Variants in BCL10 observed in about 807,000 individuals in gnomAD.
BCL10 encodes B-cell lymphoma/leukemia 10.
Under a neutral mutation model 19.2 loss-of-function variants are expected in BCL10, and 5 were observed. The ratio of observed to expected loss-of-function variants is 0.26; its 90% CI spans 0.14 to 0.55. The LOEUF (loss-of-function observed/expected upper bound fraction) is 0.55, where lower values mean the gene tolerates loss of function less well. BCL10 is among the 20% of genes least tolerant of loss of function. The pLI, the probability that BCL10 is intolerant of heterozygous loss-of-function variation, is 0.94. For synonymous variants in BCL10, 110 were observed against 98.8 expected (o/e 1.11, Z -0.67); for missense variants, 201 against 271.9 (o/e 0.74, Z 1.83).
Position 85,267,666 on chromosome 1 carries a change from C to T in BCL10, c.663G>A (p.Met221Ile), listed in dbSNP as rs754361373. 1.9e-6 allele frequency: 3 copies of T among 1,610,564 alleles called. No homozygotes were observed. Among genetic ancestry groups the T allele is most frequent in the Non-Finnish European group, 2.5e-6 (3 of 1,178,998 alleles). ...CAGTACGTGATCTTAAGGGAAGAAA[C>T]ATCTCACTAGAGTTTGCACAAGTTC... ...EEGTCANSSE[M>I]FLPLRSRTVS... is the part of the protein sequence containing the mutation. Residue 221 changes from methionine to isoleucine, a missense_variant, in exon 3 of 3, where the codon ATG becomes ATA. By Grantham distance (10) the Met-to-Ile change is conservative. Around this residue, in one of 3 missense-constraint regions of BCL10, gnomAD observed 126 missense variants for 136.6 expected, o/e 0.92. Transcript: ENST00000648566.
Position 85,266,659 on chromosome 1 carries a change from TC to T in BCL10, c.*967del. 1 of 178,858 alleles carries T rather than the reference TC, an allele frequency of 5.6e-6. No individual in the cohort carries two copies. The allele number at this position is 178,858 out of a possible 1,614,324, so 11.1% of individuals were successfully genotyped here. A position where few individuals can be genotyped will look rare whatever the true frequency, so the allele number is the denominator to read the frequency against. On this transcript the variant is annotated 3_prime_UTR_variant, in exon 3 of 3. Coordinates refer to ENST00000648566, the MANE Select transcript of BCL10 (RefSeq NM_003921.5). ...GGCCACGCTGGGTAGGTTGCTTGAGTCCAGGAGTTCAAGACCAGCCTGGCCA... is the reference window on the plus strand; with the variant it reads ...GGCCACGCTGGGTAGGTTGCTTGAGTCAGGAGTTCAAGACCAGCCTGGCCA...
rs368393957 is a variant in BCL10, at chr1:85,270,698, T to G, written c.266A>C (p.Glu89Ala). Residue 89 changes from glutamate (E) to alanine (A), a missense_variant, in exon 2 of 3, where the codon GAA becomes GCA. Glu to Ala is a moderately radical substitution (Grantham distance 107). Coordinates refer to ENST00000648566, the MANE Select transcript of BCL10 (RefSeq NM_003921.5). The stretch of plus-strand genomic sequence containing the variant: ...CTGTATCAGGAAGTTCTGTGTTTTT[T>G]CTCGCCGAATAGATTCAACAAGGGT... ...LDTLVESIRREKTQNFLIQKI... is the reference protein window; with the variant it reads ...LDTLVESIRRAKTQNFLIQKI... 1.2e-5 allele frequency: 20 copies of G among 1,613,822 alleles called. No individual in the cohort carries two copies. Among genetic ancestry groups the G allele is most frequent in the Non-Finnish European group, 1.6e-5 (19 of 1,179,932 alleles).
intron 1 of BCL10, among the ~76,000 whole-genome samples, chr1:85,271,349 T>A (rs1660366745): frequency 6.6e-6 from 1 of 152,214 alleles, no homozygotes. Flanking sequence ...AATTACTCCA[T>A]TTCCTTAAAC....
intron 1 of BCL10, among the ~76,000 whole-genome samples, chr1:85,275,395 T>C (rs1570339891): frequency 1.3e-5 from 2 of 152,214 alleles, no homozygotes; most frequent in East Asian, 3.9e-4. Context: ...GTGAGTACAG[T>C]GTAATAAACC....
rs967344156 is a variant in BCL10 at position 85,266,522 on chromosome 1, A to G, written c.*1105T>C. On this transcript the variant is annotated 3_prime_UTR_variant, in exon 3 of 3. Coordinates refer to ENST00000648566, the MANE Select transcript of BCL10 (RefSeq NM_003921.5). ...AAAATAATTTGTTCCAGTTATTTCAACTGTACATTGGTCCTCATTAAAAGA... is the reference window on the plus strand; with the variant it reads ...AAAATAATTTGTTCCAGTTATTTCAGCTGTACATTGGTCCTCATTAAAAGA... 3 of 186,302 alleles carry G rather than the reference A, an allele frequency of 1.6e-5. No individual in the cohort carries two copies. The highest frequency in any genetic ancestry group is 4.7e-5 in the African/African-American group (2 of 42,728). The allele number at this position is 186,302 out of a possible 1,614,324, so 11.5% of individuals were successfully genotyped here. A position where few individuals can be genotyped will look rare whatever the true frequency, so the allele number is the denominator to read the frequency against.
At chr1:85,270,094 C>T (rs1396899445) in intron 2 of BCL10, among the ~76,000 whole-genome samples, 2 of 152,152 alleles carry the variant, frequency 1.3e-5, no homozygotes, top group Non-Finnish European at 2.9e-5. Flanking sequence ...AGAAACAAAT[C>T]CTTATGTATG....
At chr1:85,273,879 A>T (rs1278272269) in intron 1 of BCL10, among the ~76,000 whole-genome samples, 1 of 151,830 alleles carries the variant, frequency 6.6e-6, no homozygotes. Flanking sequence ...TCCCTACTAT[A>T]CTTGGGGGGA....
chr1:85,273,318 C>A (rs1337053856), intron 1 of BCL10, among the ~76,000 whole-genome samples: 1 of 152,184 alleles, frequency 6.6e-6, no homozygotes, highest in African/African-American at 2.4e-5. Flanking sequence ...ACACAGTTGA[C>A]TACTCCCTCC....
At chr1:85,276,242 C>T in intron 1 of BCL10, 54 bp downstream of exon 1, 1 of 1,580,408 alleles carries the variant, frequency 6.3e-7, no homozygotes, top group South Asian at 1.1e-5. Context: ...GCTTTCGTCT[C>T]CCGCTGGGCT....
intron 1 of BCL10, 32 bp from the exon 2 acceptor site, chr1:85,270,938 T>C (rs1379217802): frequency 2.5e-6 from 4 of 1,572,574 alleles, no homozygotes; most frequent in African/African-American, 1.4e-5. Context: ...TCAATGTTAT[T>C]TTTAACATCT....
chr1:85,274,918 A>G (rs755923845), intron 1 of BCL10, among the ~76,000 whole-genome samples: 1 of 152,242 alleles, frequency 6.6e-6, no homozygotes, highest in African/African-American at 2.4e-5. Flanking sequence ...GATAACATCA[A>G]TGAATTGACA....
chr1:85,270,453 T>G (rs1487809119), intron 2 of BCL10, among the ~76,000 whole-genome samples, 165 bp downstream of exon 2: 28 of 152,202 alleles, frequency 1.8e-4, no homozygotes, highest in Admixed American at 1.8e-3. Context: ...TTTAATTTTT[T>G]GTAGAGACAA....
At chr1:85,269,582 T>C (rs541640514) in intron 2 of BCL10, among the ~76,000 whole-genome samples, 1 of 152,352 alleles carries the variant, frequency 6.6e-6, no homozygotes, top group Non-Finnish European at 1.5e-5. Context: ...AAACTTGTAA[T>C]GTGTCCCAGC....
chr1:85,270,335 C>T (rs1660335647), intron 2 of BCL10, among the ~76,000 whole-genome samples: 2 of 152,222 alleles, frequency 1.3e-5, no homozygotes, highest in Non-Finnish European at 2.9e-5. Context: ...TGCAGTAGCA[C>T]AATCATGGCT....
At chr1:85,272,612 T>A (rs1209060383) in intron 1 of BCL10, among the ~76,000 whole-genome samples, 1 of 152,166 alleles carries the variant, frequency 6.6e-6, no homozygotes, top group East Asian at 1.9e-4. Context: ...TCTTAAAGGA[T>A]AAAGTTCCTT....
At position 85,276,430 on chromosome 1, in the gene BCL10, C is replaced by T. The variant is rs1013859754; in HGVS notation, c.-78G>A. 1.1e-5 allele frequency: 17 copies of T among 1,526,258 alleles called. No individual in the cohort carries two copies. The highest frequency in any genetic ancestry group is 1.4e-5 in the Non-Finnish European group (16 of 1,103,630). 94.5% of individuals were successfully genotyped at this position (1,526,258 alleles called of 1,614,324 possible). A position where few individuals can be genotyped will look rare whatever the true frequency, so the allele number is the denominator to read the frequency against. On this transcript the variant is annotated 5_prime_UTR_variant, in exon 1 of 3. Transcript: ENST00000648566. ...GCCCCGCCCTGGCTGGGGGCTTCGGCCTCCGGGTAATGGGGAAGAAGGAGA... is the reference window on the plus strand; with the variant it reads ...GCCCCGCCCTGGCTGGGGGCTTCGGTCTCCGGGTAATGGGGAAGAAGGAGA...
At chr1:85,270,168 G>A (rs1257382620) in intron 2 of BCL10, among the ~76,000 whole-genome samples, 1 of 152,220 alleles carries the variant, frequency 6.6e-6, no homozygotes, top group Non-Finnish European at 1.5e-5. Flanking sequence ...GATATTGAGA[G>A]ATATTCCACT....
chr1:85,272,821 T>G (rs1363893200), intron 1 of BCL10, among the ~76,000 whole-genome samples: 1 of 152,168 alleles, frequency 6.6e-6, no homozygotes, highest in Non-Finnish European at 1.5e-5. Context: ...ATGGGAATAC[T>G]ATATATGAAG....
At chr1:85,276,261 C>G in intron 1 of BCL10, 35 bp downstream of exon 1, 1 of 1,610,000 alleles carries the variant, frequency 6.2e-7, no homozygotes, top group Non-Finnish European at 8.5e-7. Context: ...CTGCAGCCCG[C>G]CCCCGCCCGC....
Sources: gnomAD v4.1 joint callset for allele counts (sites outside exome capture counted in the v4.1 genomes callset) on GRCh38, gnomAD v4.1.1 for gene constraint, gnomAD v4.1.1 regional missense constraint, MANE v1.5 for transcripts, NCBI Gene and HGNC (gene_info 2026-07-23, HGNC 2026-07-21) for gene names.